HSDL2: variants seen among roughly 807,000 people sequenced by gnomAD.
HSDL2 encodes hydroxysteroid dehydrogenase-like protein 2.
HSDL2 carries 27 observed loss-of-function variants against 46.3 expected under a neutral mutation model. The observed-to-expected ratio is 0.58, with a 90% CI of 0.43 to 0.80. HSDL2 has a LOEUF of 0.80. HSDL2 is among the 30% of genes least tolerant of loss of function. HSDL2 has a pLI of 0.00. For missense variants in HSDL2, 451 were observed against 502.7 expected (o/e 0.90, Z 0.98); for synonymous variants, 153 against 163.6 (o/e 0.94, Z 0.50).
At position 112,429,714 on chromosome 9, in the gene HSDL2, T is replaced by G. The variant is rs148285506; in HGVS notation, c.599-8717T>G. 1.6e-3 allele frequency among the ~76,000 whole-genome samples: 243 copies of G among 152,212 alleles called. 1 individual carries two copies. Among genetic ancestry groups the G allele is most frequent in the African/African-American group, 5.8e-3 (239 of 41,522 alleles). ...AGTATATAGTATGCTAAAGGTAATATGCTATGAAAAACAGAACAAAGGAAG... is the reference window on the plus strand; with the variant it reads ...AGTATATAGTATGCTAAAGGTAATAGGCTATGAAAAACAGAACAAAGGAAG... On this transcript the variant is annotated intron_variant, in intron 6 of 10. Coordinates refer to ENST00000398805, the MANE Select transcript of HSDL2 (RefSeq NM_032303.5).
intron 9 of HSDL2, among the ~76,000 whole-genome samples, chr9:112,458,381 A>G (rs1301543466): frequency 2.0e-5 from 3 of 148,690 alleles, no homozygotes; most frequent in African/African-American, 7.5e-5. Context: ...GCTGGAGTGC[A>G]ATGGCGCGAT....
chr9:112,392,284 T>C (rs530893938), intron 1 of HSDL2, among the ~76,000 whole-genome samples: 301 of 152,328 alleles, frequency 2.0e-3, no homozygotes, highest in Non-Finnish European at 2.2e-3. Context: ...GCAGAACCAC[T>C]GATAAGGGTC....
At chr9:112,405,571 G>A (rs1337448251) in intron 2 of HSDL2, 53 bp from the exon 3 acceptor site, 8 of 1,231,072 alleles carry the variant, frequency 6.5e-6, no homozygotes, top group Non-Finnish European at 9.4e-6. Context: ...TGGAATTAAA[G>A]GTATAATATT....
At chr9:112,437,943 G>A (rs943761795) in intron 6 of HSDL2, among the ~76,000 whole-genome samples, 1 of 152,170 alleles carries the variant, frequency 6.6e-6, no homozygotes, top group African/African-American at 2.4e-5. Flanking sequence ...AGTTCTCTCC[G>A]TAGAACATTT....
intron 4 of HSDL2, among the ~76,000 whole-genome samples, chr9:112,410,324 G>A (rs1831831830): frequency 6.6e-6 from 1 of 152,236 alleles, no homozygotes; most frequent in East Asian, 1.9e-4. Flanking sequence ...TTAACACACA[G>A]AATAGGTGGT....
intron 6 of HSDL2, among the ~76,000 whole-genome samples, chr9:112,435,803 G>A (rs368306496): frequency 6.6e-6 from 1 of 152,022 alleles, no homozygotes; most frequent in South Asian, 2.1e-4. Context: ...CACAGTCATA[G>A]CTCACTGCAG....
intron 8 of HSDL2, among the ~76,000 whole-genome samples, chr9:112,444,834 G>GTTTTTTT: frequency 1.3e-4 from 10 of 79,608 alleles, no homozygotes; most frequent in East Asian, 1.1e-3. Flanking sequence ...ACTCAGTCTT[G>GTTTTTTT]TTTTTTTTTT....
rs542770801 is a variant in HSDL2, at chr9:112,419,719, A to G, written c.598+761A>G. On this transcript the variant is annotated intron_variant, in intron 6 of 10. Coordinates refer to ENST00000398805, the MANE Select transcript of HSDL2 (RefSeq NM_032303.5). Reference sequence around the variant, plus strand: ...AAAAAGCTGGATTATCTTTCCTTTCACATGAATTCTTCTGAATTCACAGAG... The same window carrying G: ...AAAAAGCTGGATTATCTTTCCTTTCGCATGAATTCTTCTGAATTCACAGAG... Among the ~76,000 whole-genome samples the G allele has an allele frequency of 2.0e-5, 3 of 152,232 alleles. No homozygotes were observed. The East Asian group carries it at 5.8e-4, about 29-fold the overall frequency.
intron 6 of HSDL2, among the ~76,000 whole-genome samples, chr9:112,432,061 T>G (rs1832419779): frequency 6.6e-6 from 1 of 151,998 alleles, no homozygotes; most frequent in African/African-American, 2.4e-5. Flanking sequence ...TTTGTATTAT[T>G]AGTAGTGACG....
rs957714074 is a variant in HSDL2, at chr9:112,471,103, A to C, written c.*559A>C. On this transcript the variant is annotated 3_prime_UTR_variant, in exon 11 of 11. Transcript: ENST00000398805. ...ACTAGCTTTCCAGGTGGACTTAGCCATAGGAAAATATTACTAATGTAATTT... is the reference window on the plus strand; with the variant it reads ...ACTAGCTTTCCAGGTGGACTTAGCCCTAGGAAAATATTACTAATGTAATTT... 6.6e-6 allele frequency: 1 copy of C among 152,264 alleles called. No homozygotes were observed. The highest frequency in any genetic ancestry group is 2.4e-5 in the African/African-American group (1 of 41,472). The allele number at this position is 152,264 out of a possible 1,614,324, so 9.4% of individuals were successfully genotyped here.
intron 2 of HSDL2, among the ~76,000 whole-genome samples, 170 bp downstream of exon 2, chr9:112,404,328 C>T (rs1218651556): frequency 6.6e-6 from 1 of 152,146 alleles, no homozygotes; most frequent in Non-Finnish European, 1.5e-5. Context: ...GACCGTTTTT[C>T]TCCACCAGCA....
intron 10 of HSDL2, among the ~76,000 whole-genome samples, chr9:112,463,742 C>A (rs936297184): frequency 6.6e-6 from 1 of 151,942 alleles, no homozygotes. Context: ...CTCACTGCAA[C>A]CTCCACCTCC....
rs117352870 is a variant in HSDL2 at position 112,439,991 on chromosome 9, G to T, written c.793+1366G>T. Among the ~76,000 whole-genome samples, 30 of 152,322 alleles carry T rather than the reference G, an allele frequency of 2.0e-4. No individual in the cohort carries two copies. The East Asian group carries it at 5.6e-3, about 28-fold the overall frequency. On this transcript the variant is annotated intron_variant, in intron 7 of 10. Transcript: ENST00000398805. ...TGTTTGGCACAGTGCCCAGCATATA[G>T]TACACTCAGAATATTTAGTAGTTAA...
At chr9:112,435,754 A>T (rs10759562) in intron 6 of HSDL2, among the ~76,000 whole-genome samples, 76,695 of 151,650 alleles carry the variant, frequency 0.51, 19,611 homozygotes, top group South Asian at 0.6. Context: ...TGACAAACAA[A>T]TAGGGTCTCA....
At chr9:112,433,597 G>T (rs1262063488) in intron 6 of HSDL2, among the ~76,000 whole-genome samples, 2 of 152,140 alleles carry the variant, frequency 1.3e-5, no homozygotes, top group East Asian at 3.8e-4. Context: ...ACTGTAGAGA[G>T]AAGAGGCAGG....
At chr9:112,453,942 GATTA>G (rs10538330) in intron 8 of HSDL2, 67 bp from the exon 9 acceptor site, 1,392,079 of 1,475,748 alleles carry the variant, frequency 0.94, 657,025 homozygotes, top group African/African-American at 0.98. Flanking sequence ...CTGTCCTGCT[GATTA>G]ATTAATTCTG....
Position 112,404,115 on chromosome 9 carries a change from A to G in HSDL2, c.138A>G (p.Pro46=). The change falls in exon 2 of 11, where the codon CCA becomes CCG. Residue 46 remains proline, a synonymous_variant. Coordinates refer to ENST00000398805, the MANE Select transcript of HSDL2 (RefSeq NM_032303.5). ...NIVIAAKTAQ[P]HPKLLGTIYT... Reference sequence around the variant, plus strand: ...TTATTGCTGCAAAGACCGCCCAGCCACATCCAAAACTTCTAGGCACAATCT... The same window carrying G: ...TTATTGCTGCAAAGACCGCCCAGCCGCATCCAAAACTTCTAGGCACAATCT... 6.2e-7 allele frequency: 1 copy of G among 1,614,220 alleles called. No homozygotes were observed. Among genetic ancestry groups the G allele is most frequent in the East Asian group, 2.2e-5 (1 of 44,886 alleles).
At chr9:112,416,395 C>T (rs1238649266) in intron 4 of HSDL2, among the ~76,000 whole-genome samples, 1 of 151,688 alleles carries the variant, frequency 6.6e-6, no homozygotes, top group African/African-American at 2.4e-5. Context: ...TGCCACTGCA[C>T]TCCAGCCTGG....
At chr9:112,403,133 C>T (rs1286668909) in intron 1 of HSDL2, among the ~76,000 whole-genome samples, 1 of 152,188 alleles carries the variant, frequency 6.6e-6, no homozygotes, top group Non-Finnish European at 1.5e-5. Context: ...ATTTAAAATA[C>T]GCAATTCATT....
Sources: allele counts gnomAD v4.1 joint callset (sites outside exome capture counted in the v4.1 genomes callset), GRCh38; gene constraint gnomAD v4.1.1; transcripts MANE v1.5; gene names NCBI Gene and HGNC (gene_info 2026-07-23, HGNC 2026-07-21).